Variants in SV2C observed in about 807,000 individuals in gnomAD.
The protein encoded by SV2C is solute carrier family 22 member B3.
A neutral mutation model predicts 79.7 loss-of-function variants in SV2C; 49 were observed. The ratio of observed to expected loss-of-function variants is 0.61; its 90% CI spans 0.49 to 0.78. The LOEUF (loss-of-function observed/expected upper bound fraction) is 0.78, where lower values mean the gene tolerates loss of function less well. Ranked by LOEUF, SV2C falls within the 30% of genes least tolerant of loss-of-function variation. The pLI is 0.00. For synonymous variants in SV2C, 334 were observed against 333.2 expected, an observed-to-expected ratio of 1.00 and a Z score of -0.03; for missense variants, 833 against 912.9, an observed-to-expected ratio of 0.91 and a Z score of 1.13.
At chr5:76,020,968 C>A in the SV2C span, among the ~76,000 whole-genome samples, 1 of 152,114 alleles carries the variant, frequency 6.6e-6, no homozygotes, top group Non-Finnish European at 1.5e-5. Flanking sequence ...AATAAGTGAG[C>A]AAGAAATAAA....
At chr5:76,008,471 GTCCAGA>G in the SV2C span, among the ~76,000 whole-genome samples, 1 of 152,076 alleles carries the variant, frequency 6.6e-6, no homozygotes, top group Non-Finnish European at 1.5e-5. Context: ...CTCGCAACGA[GTCCAGA>G]TGATTCAAAA....
chr5:75,901,283 T>C, the SV2C span, among the ~76,000 whole-genome samples: 1 of 152,232 alleles, frequency 6.6e-6, no homozygotes, highest in Non-Finnish European at 1.5e-5. Flanking sequence ...TCCTTTCTAT[T>C]TGTTAGTTTT....
At chr5:76,024,436 G>A in the SV2C span, among the ~76,000 whole-genome samples, 2 of 151,990 alleles carry the variant, frequency 1.3e-5, no homozygotes, top group Non-Finnish European at 2.9e-5. Flanking sequence ...TTGGTCATTT[G>A]CTTTTCATGT....
At chr5:76,054,344 T>C in the SV2C span, among the ~76,000 whole-genome samples, 8 of 152,332 alleles carry the variant, frequency 5.3e-5, no homozygotes, top group Non-Finnish European at 1.2e-4. Flanking sequence ...TATGGCTGCA[T>C]AGTATTCATT....
At chr5:76,062,292 G>A in the SV2C span, among the ~76,000 whole-genome samples, 2 of 152,058 alleles carry the variant, frequency 1.3e-5, no homozygotes, top group Non-Finnish European at 2.9e-5. Flanking sequence ...TGAAGGTAGA[G>A]CCCTTGTGAA....
chr5:76,039,851 A>G, the SV2C span, among the ~76,000 whole-genome samples: 2 of 152,162 alleles, frequency 1.3e-5, no homozygotes, highest in South Asian at 4.1e-4. Context: ...GATTAGAAGA[A>G]CAGTCAATGC....
rs11958319 is a variant in SV2C, at chr5:76,347,433, G to A, written c.2001-5697G>A. 5.2e-3 allele frequency among the ~76,000 whole-genome samples: 694 copies of A among 134,682 alleles called. 7 individuals are homozygous for A. Among genetic ancestry groups the A allele is most frequent in the African/African-American group, 0.021 (662 of 31,384 alleles). 88.4% of individuals were successfully genotyped at this position (134,682 alleles called of 152,430 possible). ...ACCTTCTTATTTCTTACCTATGCCC[G>A]GACATGTTTTGTTTTTTTGTTGTTG... On this transcript the variant is annotated intron_variant, in intron 12 of 12. Coordinates refer to the SV2C transcript ENST00000322285.
At chr5:75,973,414 G>A in the SV2C span, among the ~76,000 whole-genome samples, 1 of 151,854 alleles carries the variant, frequency 6.6e-6, no homozygotes, top group Non-Finnish European at 1.5e-5. Context: ...AGGATGGTTT[G>A]AGCCAAGGAG....
chr5:75,908,064 T>A, the SV2C span, among the ~76,000 whole-genome samples: 1 of 152,332 alleles, frequency 6.6e-6, no homozygotes, highest in South Asian at 2.1e-4. Context: ...AAAAAAAAAT[T>A]GCAAGTTTCC....
intron 4 of SV2C, among the ~76,000 whole-genome samples, chr5:76,211,220 G>T (rs981020097): frequency 2.6e-5 from 4 of 152,148 alleles, no homozygotes; most frequent in Non-Finnish European, 5.9e-5. Context: ...CTGTTGAACT[G>T]CAGAACTTTA....
chr5:76,338,089 C>G (rs1749362835), downstream of SV2C, among the ~76,000 whole-genome samples: 1 of 152,252 alleles, frequency 6.6e-6, no homozygotes, highest in South Asian at 2.1e-4. Flanking sequence ...GCATCATCCT[C>G]TCCTGTAATT....
the SV2C span, among the ~76,000 whole-genome samples, chr5:75,904,577 A>G: frequency 6.6e-6 from 1 of 152,156 alleles, no homozygotes; most frequent in Non-Finnish European, 1.5e-5. Flanking sequence ...TGGGGAGTAA[A>G]TGTAAAATGG....
chr5:75,969,200 G>A, the SV2C span, among the ~76,000 whole-genome samples: 1 of 152,122 alleles, frequency 6.6e-6, no homozygotes, highest in Non-Finnish European at 1.5e-5. Flanking sequence ...AGGAACAACT[G>A]GTACCAGCCA....
chr5:76,208,619 C>A (rs1744679244), intron 3 of SV2C, among the ~76,000 whole-genome samples: 1 of 152,194 alleles, frequency 6.6e-6, no homozygotes, highest in Non-Finnish European at 1.5e-5. Context: ...CTAAGAAAAT[C>A]AGTTATTGCT....
the SV2C span, among the ~76,000 whole-genome samples, chr5:76,029,743 G>T: frequency 6.6e-6 from 1 of 152,160 alleles, no homozygotes; most frequent in Non-Finnish European, 1.5e-5. Flanking sequence ...ACAGATCCAA[G>T]AATTTGCTTT....
chr5:76,257,291 AGTGT>A (rs879863414), intron 4 of SV2C, among the ~76,000 whole-genome samples: 3 of 114,408 alleles, frequency 2.6e-5, no homozygotes, highest in African/African-American at 1.0e-4. Flanking sequence ...GTGTGTGTGT[AGTGT>A]GTGTGTGGTA....
At position 76,170,781 on chromosome 5, in the gene SV2C, G is replaced by C. The variant is rs1347266419; in HGVS notation, c.581-24138G>C. 2.2e-5 allele frequency: 5 copies of C among 231,098 alleles called. No individual in the cohort carries two copies. The East Asian group carries it at 4.3e-4, about 20-fold the overall frequency. 14.3% of individuals were successfully genotyped at this position (231,098 alleles called of 1,614,324 possible). On this transcript the variant is annotated intron_variant, in intron 2 of 12. Coordinates refer to ENST00000502798, the MANE Select transcript of SV2C (RefSeq NM_014979.4). ...AAAATTAAAAAAACTGAGAAGGCTC[G>C]AAGGCGCCGCGGGCTGGGGTCGGTG...
chr5:76,002,217 G>A, the SV2C span, among the ~76,000 whole-genome samples: 2 of 151,996 alleles, frequency 1.3e-5, no homozygotes, highest in Non-Finnish European at 2.9e-5. Context: ...TTCGTTGGTT[G>A]ACGGGCATTT....
the SV2C span, among the ~76,000 whole-genome samples, chr5:75,925,757 C>CA: frequency 9.3e-5 from 14 of 150,774 alleles, no homozygotes; most frequent in African/African-American, 1.5e-4. Flanking sequence ...TTTTAAAAAA[C>CA]AAAAAAAAGC....
Sources: gnomAD v4.1 joint callset for allele counts (sites outside exome capture counted in the v4.1 genomes callset) on GRCh38, gnomAD v4.1.1 for gene constraint, MANE v1.5 for transcripts, NCBI Gene and HGNC (gene_info 2026-07-23, HGNC 2026-07-21) for gene names.